The following CNTNAP5 variants were observed in gnomAD, a reference collection of about 807,000 sequenced individuals.
The protein encoded by CNTNAP5 is contactin-associated protein-like 5.
Under a neutral mutation model 150.2 loss-of-function variants are expected in CNTNAP5, and 72 were observed. The ratio of observed to expected loss-of-function variants is 0.48; its 90% confidence interval spans 0.40 to 0.58. The LOEUF (loss-of-function observed/expected upper bound fraction) is 0.58. Ranked by LOEUF, CNTNAP5 falls within the 20% of genes least tolerant of loss-of-function variation. The pLI, the probability that CNTNAP5 is intolerant of heterozygous loss-of-function variation, is 0.00. For missense variants in CNTNAP5, 1,636 were observed against 1,626.2 expected (o/e 1.01, Z -0.10); for synonymous variants, 672 against 619.8 (o/e 1.08, Z -1.25).
chr2:124,403,103 T>A (rs1395732547), intron 3 of CNTNAP5, among the ~76,000 whole-genome samples: 1 of 152,230 alleles, frequency 6.6e-6, no homozygotes, highest in Admixed American at 6.5e-5. Context: ...TGCTGCTAGT[T>A]CCTCCTTAAC....
At chr2:124,872,503 A>ATTT (rs574385022) in intron 21 of CNTNAP5, among the ~76,000 whole-genome samples, 1 of 144,324 alleles carries the variant, frequency 6.9e-6, no homozygotes, top group African/African-American at 2.5e-5. Context: ...TCAAAATAAG[A>ATTT]TTTTTTTTTT....
At chr2:124,418,916 C>T (rs1035618983) in intron 4 of CNTNAP5, among the ~76,000 whole-genome samples, 15 of 151,162 alleles carry the variant, frequency 9.9e-5, no homozygotes, top group African/African-American at 3.6e-4. Context: ...GGGTGGATCA[C>T]GAGGTCAGGA....
At chr2:124,865,490 A>G (rs1677612847) in intron 20 of CNTNAP5, 54 bp downstream of exon 20, 2 of 1,520,798 alleles carry the variant, frequency 1.3e-6, no homozygotes, top group Admixed American at 2.0e-5. Flanking sequence ...TACTCTATCA[A>G]ACTTTTCTAA....
At chr2:124,754,789 G>A (rs891431012) in intron 14 of CNTNAP5, among the ~76,000 whole-genome samples, 2 of 151,928 alleles carry the variant, frequency 1.3e-5, no homozygotes, top group African/African-American at 4.8e-5. Context: ...CTGACCTCAA[G>A]CAATCCTCAC....
intron 19 of CNTNAP5, among the ~76,000 whole-genome samples, chr2:124,814,183 G>A (rs532075694): frequency 6.7e-6 from 1 of 149,614 alleles, no homozygotes; most frequent in East Asian, 2.0e-4. Flanking sequence ...ATGATTGGAT[G>A]CATCATGTTC....
chr2:124,222,395 T>C (rs968118810), intron 2 of CNTNAP5, among the ~76,000 whole-genome samples: 1 of 152,094 alleles, frequency 6.6e-6, no homozygotes, highest in Non-Finnish European at 1.5e-5. Flanking sequence ...ATGTTGGATA[T>C]CTAGGCAGAT....
intron 13 of CNTNAP5, among the ~76,000 whole-genome samples, chr2:124,713,301 CTTCTTTCTCTTTCTTTCCTT>C (rs1679863317): frequency 1.3e-5 from 1 of 76,916 alleles, no homozygotes; most frequent in Non-Finnish European, 2.8e-5. Flanking sequence ...TTCTTTCTTT[CTTCTTTCTCTTTCTTTCCTT>C]TCTTTCTTTC....
chr2:124,464,141 A>G (rs1693319449), intron 6 of CNTNAP5, among the ~76,000 whole-genome samples: 1 of 152,094 alleles, frequency 6.6e-6, no homozygotes, highest in South Asian at 2.1e-4. Flanking sequence ...AAGGGCAATT[A>G]TTGGGGTTGG....
chr2:124,686,714 G>A (rs1254155165), intron 13 of CNTNAP5, among the ~76,000 whole-genome samples: 2 of 152,012 alleles, frequency 1.3e-5, no homozygotes, highest in Non-Finnish European at 2.9e-5. Context: ...ATAAAATAGT[G>A]CTTTAAAGCC....
chr2:124,426,609 C>G (rs114382446), intron 4 of CNTNAP5, among the ~76,000 whole-genome samples: 1 of 152,206 alleles, frequency 6.6e-6, no homozygotes, highest in South Asian at 2.1e-4. Context: ...TGAGCTTCGG[C>G]TTTCTGGCCC....
At position 124,747,281 on chromosome 2, in the gene CNTNAP5, C is replaced by T. The variant is rs1189865820; in HGVS notation, c.2130C>T (p.Tyr710=). ...WIGRSNERHP[Y]WGGSPPGVQQ... ...GGCGGTCCAATGAAAGGCACCCTTA[C>T]TGGGGAGGTTCCCCTCCTGGGGTCC... The change falls in exon 14 of 24, where the codon TAC becomes TAT. Residue 710 remains tyrosine, a synonymous_variant. Coordinates refer to ENST00000682447, the MANE Select transcript of CNTNAP5 (RefSeq NM_001367498.1). 1 of 1,613,780 alleles carries T rather than the reference C, an allele frequency of 6.2e-7. No individual in the cohort carries two copies. Among genetic ancestry groups the T allele is most frequent in the South Asian group, 1.1e-5 (1 of 91,080 alleles).
intron 11 of CNTNAP5, among the ~76,000 whole-genome samples, chr2:124,579,024 C>T (rs74603650): frequency 1.3e-5 from 2 of 152,170 alleles, no homozygotes; most frequent in East Asian, 1.9e-4. Flanking sequence ...ACATGCATAA[C>T]CTTATACCTT....
chr2:124,327,459 G>A (rs1689247574), intron 3 of CNTNAP5, among the ~76,000 whole-genome samples: 1 of 152,030 alleles, frequency 6.6e-6, no homozygotes, highest in African/African-American at 2.4e-5. Flanking sequence ...GATGGAAGTG[G>A]GGTTTTGACA....
chr2:124,835,224 G>C (rs1351789249), intron 19 of CNTNAP5, among the ~76,000 whole-genome samples: 1 of 151,290 alleles, frequency 6.6e-6, no homozygotes, highest in Non-Finnish European at 1.5e-5. Flanking sequence ...TATGTAGTTT[G>C]TTTTCATCTT....
At chr2:124,705,534 AT>A (rs1258389320) in intron 13 of CNTNAP5, among the ~76,000 whole-genome samples, 46 of 107,462 alleles carry the variant, frequency 4.3e-4, no homozygotes, top group Non-Finnish European at 7.4e-4. Flanking sequence ...TCTCAAAAAA[AT>A]AAAAATAATA....
In CNTNAP5 at chr2:124,855,231, G is replaced by A. The variant is rs371164603; in HGVS notation, c.3218-10075G>A. On this transcript the variant is annotated intron_variant, in intron 19 of 23. Coordinates refer to ENST00000682447, the MANE Select transcript of CNTNAP5 (RefSeq NM_001367498.1). Reference sequence around the variant, plus strand: ...TTGCTCTTGTTGACCAAGCTGGAGTGCAATGGCACAATCTTGGCTCACTGC... The same window carrying A: ...TTGCTCTTGTTGACCAAGCTGGAGTACAATGGCACAATCTTGGCTCACTGC... Among the ~76,000 whole-genome samples, 16 of 132,286 alleles carry A rather than the reference G, an allele frequency of 1.2e-4. No individual in the cohort carries two copies. In the South Asian group the frequency reaches 4.2e-3, roughly 34 times the overall value. The allele number at this position is 132,286 out of a possible 152,430, so 86.8% of individuals were successfully genotyped here. A position where few individuals can be genotyped will look rare whatever the true frequency, so the allele number is the denominator to read the frequency against.
chr2:124,167,088 T>C (rs556792194), intron 1 of CNTNAP5, among the ~76,000 whole-genome samples: 38 of 152,292 alleles, frequency 2.5e-4, no homozygotes, highest in African/African-American at 8.9e-4. Flanking sequence ...ACTTAACAAA[T>C]TCTCTTCTGT....
In CNTNAP5 at chr2:124,419,140, C is replaced by CAAAAAAAAAA. The variant is rs778863758; in HGVS notation, c.529+1564_529+1573dup. Among the ~76,000 whole-genome samples, 92 of 28,840 alleles carry CAAAAAAAAAA rather than the reference C, an allele frequency of 3.2e-3. 2 individuals are homozygous for CAAAAAAAAAA. Among genetic ancestry groups the CAAAAAAAAAA allele is most frequent in the Middle Eastern group, 0.036 (1 of 28 alleles). The allele number at this position is 28,840 out of a possible 152,430, so 18.9% of individuals were successfully genotyped here. On this transcript the variant is annotated intron_variant, in intron 4 of 23. Transcript: ENST00000682447. Reference sequence around the variant, plus strand: ...TGGGCGACAGAGCGAGACTCCTTCTCAAAAAAAAAAAAAAAAAAAAAAACA... The same window carrying CAAAAAAAAAA: ...TGGGCGACAGAGCGAGACTCCTTCTCAAAAAAAAAAAAAAAAAAAAAAAAAAAAAAAAACA...
intron 11 of CNTNAP5, among the ~76,000 whole-genome samples, chr2:124,604,237 C>A (rs1697052203): frequency 1.3e-5 from 2 of 152,052 alleles, no homozygotes; most frequent in Non-Finnish European, 2.9e-5. Flanking sequence ...TATATTTTAT[C>A]TTTTATGATA....
Sources: allele counts gnomAD v4.1 joint callset (sites outside exome capture counted in the v4.1 genomes callset), GRCh38; gene constraint gnomAD v4.1.1; transcripts MANE v1.5; gene names NCBI Gene and HGNC (gene_info 2026-07-23, HGNC 2026-07-21).